The following VSTM2A variants were observed in gnomAD, a reference collection of about 807,000 sequenced individuals.
The protein encoded by VSTM2A is V-set and transmembrane domain-containing protein 2A.
In VSTM2A, 13 loss-of-function variants were observed where a neutral mutation model predicts 27.3. That is an observed-to-expected ratio of 0.48 (90% CI 0.31 to 0.76). The LOEUF (loss-of-function observed/expected upper bound fraction) is 0.76, where lower values mean the gene tolerates loss of function less well. Ranked by LOEUF, VSTM2A falls within the 30% of genes least tolerant of loss-of-function variation. The probability of loss-of-function intolerance (pLI) is 0.05; values close to 1 mark genes in which losing one functional copy is unlikely to be tolerated. For synonymous variants in VSTM2A, 142 were observed against 125.7 expected (o/e 1.13, Z -0.87); for missense variants, 280 against 310.0 (o/e 0.90, Z 0.73).
At chr7:54,555,752 T>C (rs932878325) in intron 4 of VSTM2A, among the ~76,000 whole-genome samples, 12 of 152,216 alleles carry the variant, frequency 7.9e-5, no homozygotes, top group Non-Finnish European at 2.9e-5. Flanking sequence ...CTATGTGCCC[T>C]GAACAAGTGG....
chr7:54,542,455 A>G lies in VSTM2A; in HGVS notation c.-276A>G. ...GCGGGCTGACGTTGGACGAGCTGCC[A>G]GGTAGCTGAAAGCAGGCAGCCAGGC... On this transcript the variant is annotated 5_prime_UTR_variant, in exon 1 of 5. Coordinates refer to ENST00000402613, the MANE Select transcript of VSTM2A (RefSeq NM_001301009.2). The G allele has an allele frequency of 8.4e-6, 4 of 476,146 alleles. No homozygotes were observed. The South Asian group carries it at 1.4e-4, about 16-fold the overall frequency. The allele number at this position is 476,146 out of a possible 1,614,324, so 29.5% of individuals were successfully genotyped here. A position where few individuals can be genotyped will look rare whatever the true frequency, so the allele number is the denominator to read the frequency against.
At chr7:54,544,488 C>G (rs1253836234) in intron 1 of VSTM2A, 134 bp from the exon 2 acceptor site, 1 of 1,096,012 alleles carries the variant, frequency 9.1e-7, no homozygotes, top group Non-Finnish European at 1.4e-6. Context: ...CTGGGGGAAC[C>G]AGACGAAGCC....
chr7:54,557,605 A>T (rs887971317), intron 4 of VSTM2A, among the ~76,000 whole-genome samples: 1 of 152,052 alleles, frequency 6.6e-6, no homozygotes, highest in Admixed American at 6.5e-5. Flanking sequence ...AAGTGCTGAG[A>T]TTGCAGGCAT....
intron 4 of VSTM2A, among the ~76,000 whole-genome samples, chr7:54,557,534 A>T (rs1788408330): frequency 6.6e-6 from 1 of 151,834 alleles, no homozygotes; most frequent in South Asian, 2.1e-4. Flanking sequence ...GGGTTTCACC[A>T]TGTTGGCCAG....
At chr7:54,565,335 C>T (rs1324322947) in intron 4 of VSTM2A, among the ~76,000 whole-genome samples, 7 of 152,232 alleles carry the variant, frequency 4.6e-5, no homozygotes, top group African/African-American at 7.2e-5. Flanking sequence ...ACAGTGCCTA[C>T]TGCATGTTGC....
chr7:54,545,308 G>A (rs923520151), intron 2 of VSTM2A, among the ~76,000 whole-genome samples: 4 of 149,462 alleles, frequency 2.7e-5, no homozygotes, highest in African/African-American at 9.9e-5. Flanking sequence ...GGAGAGAGAA[G>A]GAAAGGGGGG....
chr7:54,551,600 A>G (rs1788201736), intron 4 of VSTM2A: 1 of 152,244 alleles, frequency 6.6e-6, no homozygotes. Flanking sequence ...GTGTGTATCC[A>G]TACACACTAA....
chr7:54,546,565 T>TGCCCCCCCGCCCGCCCCCCC (rs1261814517), intron 2 of VSTM2A: 1 of 139,956 alleles, frequency 7.1e-6, no homozygotes, highest in Admixed American at 7.4e-5. Context: ...CCCCCCCGCC[T>TGCCCCCCCGCCCGCCCCCCC]GCCCGCCCGC....
chr7:54,564,144 C>T (rs939966), intron 4 of VSTM2A, among the ~76,000 whole-genome samples: 11,747 of 152,224 alleles, frequency 0.077, 1,261 homozygotes, highest in African/African-American at 0.24. Context: ...ATAAGCTGGC[C>T]TTCTTCACAG....
At chr7:54,543,446 C>G (rs1313212739) in intron 1 of VSTM2A, among the ~76,000 whole-genome samples, 2 of 152,188 alleles carry the variant, frequency 1.3e-5, no homozygotes, top group African/African-American at 2.4e-5. Flanking sequence ...TGCCATACTC[C>G]TTCTGCCAGC....
chr7:54,543,043 C>T (rs1293925815), intron 1 of VSTM2A, among the ~76,000 whole-genome samples: 1 of 152,002 alleles, frequency 6.6e-6, no homozygotes, highest in Non-Finnish European at 1.5e-5. Flanking sequence ...CCTCGGTGAG[C>T]ACAAACACAG....
intron 4 of VSTM2A, among the ~76,000 whole-genome samples, chr7:54,568,165 T>A (rs1788779967): frequency 6.6e-6 from 1 of 152,204 alleles, no homozygotes; most frequent in Non-Finnish European, 1.5e-5. Context: ...CCCCAAATAT[T>A]TATTCTACAT....
At chr7:54,553,097 A>T (rs1017169991) in intron 4 of VSTM2A, among the ~76,000 whole-genome samples, 4 of 152,246 alleles carry the variant, frequency 2.6e-5, no homozygotes, top group Non-Finnish European at 5.9e-5. Context: ...ATAGAAGAAG[A>T]TGGAAAAGAT....
chr7:54,570,806 A>G lies in VSTM2A; in HGVS notation c.*1587A>G, dbSNP rs1562718584. Reference sequence around the variant, plus strand: ...CATTTTCTCTCATTACAAAACCAGAAGATCAGCTATGTGGGGCCATCAGCT... The same window carrying G: ...CATTTTCTCTCATTACAAAACCAGAGGATCAGCTATGTGGGGCCATCAGCT... On this transcript the variant is annotated 3_prime_UTR_variant, in exon 5 of 5. Coordinates refer to ENST00000402613, the MANE Select transcript of VSTM2A (RefSeq NM_001301009.2). The G allele has an allele frequency of 6.6e-6, 1 of 152,190 alleles. No individual in the cohort carries two copies. Among genetic ancestry groups the G allele is most frequent in the East Asian group, 1.9e-4 (1 of 5,192 alleles). The allele number at this position is 152,190 out of a possible 1,614,324, so 9.4% of individuals were successfully genotyped here.
In VSTM2A at chr7:54,544,633, G is replaced by A; in HGVS notation, c.91G>A (p.Glu31Lys). The stretch of plus-strand genomic sequence containing the variant: ...TTTCTGTTTTGCAGCAAAATTTACC[G>A]AGTTTCCGCGGAACGTGACGGCGAC... ...QGLSSQAKFT[E>K]FPRNVTATEG... Residue 31 changes from glutamate (E) to lysine (K), a missense_variant, in exon 2 of 5, where the codon GAG (glutamate) becomes AAG (lysine). Coordinates refer to ENST00000402613, the MANE Select transcript of VSTM2A (RefSeq NM_001301009.2). The A allele has an allele frequency of 6.2e-7, 1 of 1,612,898 alleles. No individual in the cohort carries two copies. Among genetic ancestry groups the A allele is most frequent in the Non-Finnish European group, 8.5e-7 (1 of 1,179,852 alleles).
chr7:54,560,066 T>A (rs1270856358), intron 4 of VSTM2A: 1 of 152,160 alleles, frequency 6.6e-6, no homozygotes, highest in Non-Finnish European at 1.5e-5. Flanking sequence ...AAAAGAAAAT[T>A]TAAATTTTTT....
intron 2 of VSTM2A, 23 bp downstream of exon 2, chr7:54,544,811 C>T (rs1157709353): frequency 1.3e-6 from 2 of 1,579,244 alleles, no homozygotes; most frequent in Admixed American, 1.8e-5. Flanking sequence ...GCCGACCCCG[C>T]GTCTCCCCTT....
At position 54,550,019 on chromosome 7, in the gene VSTM2A, A is replaced by G; in HGVS notation, c.483A>G (p.Glu161=). 3 of 1,611,782 alleles carry G rather than the reference A, an allele frequency of 1.9e-6. No homozygotes were observed. The highest frequency in any genetic ancestry group is 2.5e-6 in the Non-Finnish European group (3 of 1,178,936). Reference sequence around the variant, plus strand: ...ATGCCCGCAGAATGCAGGCCTTCGAAGCCTCGCCCATGTGGCTGCAGGATA... The same window carrying G: ...ATGCCCGCAGAATGCAGGCCTTCGAGGCCTCGCCCATGTGGCTGCAGGATA... ...NSHARRMQAF[E]ASPMWLQDMK... is the part of the protein sequence containing the mutation. Residue 161 remains glutamate (E), a synonymous_variant, in exon 4 of 5, where the codon GAA becomes GAG. Transcript: ENST00000402613.
At chr7:54,554,010 C>G (rs767873415) in intron 4 of VSTM2A, 1 of 1,553,336 alleles carries the variant, frequency 6.4e-7, no homozygotes, top group South Asian at 1.2e-5. Context: ...GCTTCCTGCT[C>G]CTCTTCCCCA....
Sources: allele counts gnomAD v4.1 joint callset (sites outside exome capture counted in the v4.1 genomes callset), GRCh38; gene constraint gnomAD v4.1.1; transcripts MANE v1.5; gene names NCBI Gene and HGNC (gene_info 2026-07-23, HGNC 2026-07-21).